PCDHA9: variants seen among roughly 807,000 people sequenced by gnomAD.
PCDHA9 encodes the protein protocadherin alpha-9.
In PCDHA9, 62 loss-of-function variants were observed where a neutral mutation model predicts 62.0. The observed-to-expected ratio is 1.00, with a 90% CI of 0.81 to 1.23. The LOEUF is 1.23. Ranked by LOEUF, PCDHA9 falls within the 50% of genes most tolerant of loss-of-function variation. PCDHA9 has a pLI of 0.00. For synonymous variants in PCDHA9, 557 were observed against 567.6 expected, an observed-to-expected ratio of 0.98 and a Z score of 0.27; for missense variants, 1,205 against 1,249.8, an observed-to-expected ratio of 0.96 and a Z score of 0.54.
At chr5:140,862,911 G>C (rs781861917) in intron 1 of PCDHA9, 3 of 549,326 alleles carry the variant, frequency 5.5e-6, no homozygotes. Flanking sequence ...CGCTGCTGGC[G>C]CCTTGGGTGG....
intron 1 of PCDHA9, among the ~76,000 whole-genome samples, chr5:140,914,914 G>A (rs2076876381): frequency 7.0e-6 from 1 of 143,682 alleles, no homozygotes; most frequent in African/African-American, 2.6e-5. Context: ...GTTTCTCTGT[G>A]TCTTATTGTA....
intron 1 of PCDHA9, chr5:140,927,446 TG>T: frequency 2.1e-5 from 34 of 1,614,128 alleles, no homozygotes; most frequent in Non-Finnish European, 2.5e-5. Flanking sequence ...TACCCGGAGT[TG>T]GTGTTGGAGA....
intron 1 of PCDHA9, among the ~76,000 whole-genome samples, chr5:140,895,297 T>TC (rs1269688627): frequency 1.3e-5 from 2 of 152,118 alleles, no homozygotes; most frequent in African/African-American, 2.4e-5. Context: ...ACCTTCGATT[T>TC]CCCCCCTTCC....
intron 3 of PCDHA9, among the ~76,000 whole-genome samples, chr5:140,994,851 A>C (rs1178274121): frequency 1.3e-5 from 2 of 149,076 alleles, no homozygotes; most frequent in African/African-American, 5.2e-5. Flanking sequence ...AGATGAGTGC[A>C]TTTGATGGAT....
intron 3 of PCDHA9, among the ~76,000 whole-genome samples, chr5:140,987,107 G>C (rs936936352): frequency 2.0e-5 from 3 of 151,876 alleles, no homozygotes; most frequent in Admixed American, 6.6e-5. Context: ...CCAGCTACTC[G>C]GGAGGCTGAG....
chr5:140,979,130 A>C, intron 2 of PCDHA9, 123 bp downstream of exon 2: 1 of 1,473,242 alleles, frequency 6.8e-7, no homozygotes, highest in Admixed American at 2.7e-5. Flanking sequence ...TTTGCCAGGA[A>C]AATGCAATTA....
chr5:140,929,681 A>C, intron 1 of PCDHA9: 1 of 302,408 alleles, frequency 3.3e-6, no homozygotes. Flanking sequence ...AAAAATATGT[A>C]AGAGTCTGCT....
intron 1 of PCDHA9, chr5:140,871,305 G>A (rs782666863): frequency 3.7e-6 from 6 of 1,613,874 alleles, no homozygotes; most frequent in African/African-American, 1.3e-5. Context: ...GCGCGCCGGG[G>A]AAGCCCACGC....
chr5:140,849,902 G>T lies in PCDHA9; in HGVS notation c.1407G>T (p.Pro469=). ...EYTVFVKENN[P]PGCHIFTVSA... is the part of the protein sequence containing the mutation. ...CGGTGTTCGTGAAGGAGAACAACCCGCCGGGCTGCCACATCTTCACGGTGT... is the reference window on the plus strand; with the variant it reads ...CGGTGTTCGTGAAGGAGAACAACCCTCCGGGCTGCCACATCTTCACGGTGT... The change falls in exon 1 of 4, where the codon CCG becomes CCT. Residue 469 remains proline (P), a synonymous_variant. Transcript: ENST00000532602. 1.3e-6 allele frequency: 2 copies of T among 1,598,532 alleles called. No individual in the cohort carries two copies. Among genetic ancestry groups the T allele is most frequent in the African/African-American group, 1.3e-5 (1 of 74,574 alleles).
intron 1 of PCDHA9, chr5:140,877,100 C>A (rs782669477): frequency 2.5e-6 from 4 of 1,613,344 alleles, no homozygotes; most frequent in African/African-American, 1.3e-5. Context: ...GCCGGCGTGC[C>A]GCCTCTGGGC....
chr5:140,953,778 A>AT, intron 1 of PCDHA9, among the ~76,000 whole-genome samples: 1 of 152,106 alleles, frequency 6.6e-6, no homozygotes, highest in South Asian at 2.1e-4. Context: ...ATATTTATTT[A>AT]TTTTTTTCTT....
intron 1 of PCDHA9, among the ~76,000 whole-genome samples, chr5:140,916,601 G>A (rs2077638535): frequency 6.6e-6 from 1 of 152,188 alleles, no homozygotes. Flanking sequence ...GGCCTGGAAT[G>A]CGGGCCTCAT....
At chr5:140,938,849 T>C (rs961236945) in intron 1 of PCDHA9, among the ~76,000 whole-genome samples, 1 of 152,102 alleles carries the variant, frequency 6.6e-6, no homozygotes, top group Admixed American at 6.6e-5. Flanking sequence ...CCTGCCCATG[T>C]ACCCCTGAAC....
At chr5:140,855,306 T>C (rs2043421281) in intron 1 of PCDHA9, among the ~76,000 whole-genome samples, 1 of 149,750 alleles carries the variant, frequency 6.7e-6, no homozygotes, top group Admixed American at 6.7e-5. Context: ...AGTTATAAAA[T>C]TGGAACATGA....
intron 1 of PCDHA9, among the ~76,000 whole-genome samples, chr5:140,975,536 A>G (rs957684886): frequency 2.0e-5 from 3 of 152,226 alleles, no homozygotes; most frequent in Admixed American, 1.3e-4. Flanking sequence ...TATTCTTAAT[A>G]CAGTCCTATT....
intron 3 of PCDHA9, among the ~76,000 whole-genome samples, chr5:140,991,033 T>C (rs2097428117): frequency 6.6e-6 from 1 of 152,212 alleles, no homozygotes; most frequent in African/African-American, 2.4e-5. Context: ...ATATGTTGCA[T>C]ACTTAACTTT....
At chr5:140,955,343 A>G (rs1031411707) in intron 1 of PCDHA9, among the ~76,000 whole-genome samples, 16 of 152,134 alleles carry the variant, frequency 1.1e-4, no homozygotes, top group African/African-American at 3.9e-4. Context: ...TAATCCCCAC[A>G]TGTTGTGAGA....
chr5:140,960,713 ATCTTATTTTAGT>A (rs2095563566), intron 1 of PCDHA9, among the ~76,000 whole-genome samples: 3 of 150,862 alleles, frequency 2.0e-5, no homozygotes, highest in Non-Finnish European at 4.4e-5. Flanking sequence ...CCAAATACTC[ATCTTATTTTAGT>A]CCATGATTTT....
intron 1 of PCDHA9, chr5:140,869,562 A>G (rs373044645): frequency 8.1e-6 from 13 of 1,614,050 alleles, no homozygotes; most frequent in South Asian, 2.2e-5. Context: ...CGCGTTTTCC[A>G]CTAGAGGGAG....
Sources: gnomAD v4.1 joint callset for allele counts (sites outside exome capture counted in the v4.1 genomes callset) on GRCh38, gnomAD v4.1.1 for gene constraint, MANE v1.5 for transcripts, NCBI Gene and HGNC (gene_info 2026-07-23, HGNC 2026-07-21) for gene names.